MGRN1: variants seen among roughly 807,000 people sequenced by gnomAD.
MGRN1 encodes the protein mahogunin ring finger 1.
A neutral mutation model predicts 69.2 loss-of-function variants in MGRN1; 29 were observed. That is an observed-to-expected ratio of 0.42 (90% CI 0.31 to 0.57). The LOEUF (loss-of-function observed/expected upper bound fraction) is 0.57, where lower values mean the gene tolerates loss of function less well. Among genes scored for constraint, MGRN1 ranks in the 20% least tolerant of loss-of-function variants. The pLI is 0.15. For missense variants in MGRN1, 998 were observed against 796.2 expected, an observed-to-expected ratio of 1.25 and a Z score of -3.05; for synonymous variants, 470 against 344.2, an observed-to-expected ratio of 1.37 and a Z score of -4.04.
chr16:4,667,027 C>T (rs553721454), intron 7 of MGRN1, among the ~76,000 whole-genome samples: 2 of 152,328 alleles, frequency 1.3e-5, no homozygotes, highest in East Asian at 1.9e-4. Context: ...TGTGCACTGA[C>T]GTTCATCAGC....
chr16:4,647,125 C>T (rs1363644756), intron 1 of MGRN1, among the ~76,000 whole-genome samples: 1 of 152,234 alleles, frequency 6.6e-6, no homozygotes, highest in African/African-American at 2.4e-5. Context: ...CTGCTGTGGC[C>T]CTTGTCTGCC....
intron 4 of MGRN1, among the ~76,000 whole-genome samples, 188 bp downstream of exon 4, chr16:4,653,012 C>CT (rs199738623): frequency 0.021 from 3,191 of 152,344 alleles, 58 homozygotes; most frequent in South Asian, 0.041. Flanking sequence ...CGGGAACCAG[C>CT]TGGGGTCCTT....
chr16:4,625,499 A>G (rs992252503), intron 1 of MGRN1, among the ~76,000 whole-genome samples: 2 of 152,046 alleles, frequency 1.3e-5, no homozygotes, highest in Non-Finnish European at 2.9e-5. Context: ...GGTTTGGGCA[A>G]TTTCCCTCCC....
chr16:4,659,597 G>A (rs984953937), intron 5 of MGRN1, among the ~76,000 whole-genome samples: 4 of 152,266 alleles, frequency 2.6e-5, no homozygotes, highest in African/African-American at 9.6e-5. Context: ...CTTTGGTGAG[G>A]GTTTGCTGAG....
chr16:4,632,182 A>T (rs961552342), intron 1 of MGRN1, among the ~76,000 whole-genome samples: 42 of 89,306 alleles, frequency 4.7e-4, no homozygotes, highest in African/African-American at 2.0e-3. Context: ...ACGCCCAGCT[A>T]ATTTTTGTAT....
rs148036225 is a variant in MGRN1 at position 4,676,611 on chromosome 16, C to G, written c.956-852C>G. ...ATTGACACAGAGGAGGCCTGAGGCCCTGTCCCTGGGCTGACGGCAGATGCA... is the reference window on the plus strand; with the variant it reads ...ATTGACACAGAGGAGGCCTGAGGCCGTGTCCCTGGGCTGACGGCAGATGCA... On this transcript the variant is annotated intron_variant, in intron 10 of 16. Transcript: ENST00000262370. Among the ~76,000 whole-genome samples, 501 of 152,310 alleles carry G rather than the reference C, an allele frequency of 3.3e-3. 5 individuals are homozygous for G. Among genetic ancestry groups the G allele is most frequent in the African/African-American group, 0.011 (474 of 41,556 alleles).
At chr16:4,683,107 G>A (rs1241679103) in intron 14 of MGRN1, 117 bp from the exon 15 acceptor site, 2 of 1,514,040 alleles carry the variant, frequency 1.3e-6, no homozygotes, top group Admixed American at 1.8e-5. Context: ...TGTGGAGGCA[G>A]CACCCCCTGG....
intron 4 of MGRN1, among the ~76,000 whole-genome samples, chr16:4,655,108 C>T (rs1384754341): frequency 2.6e-5 from 4 of 152,138 alleles, no homozygotes; most frequent in East Asian, 1.9e-4. Context: ...TTGACACCCA[C>T]GGGGCCTGGT....
chr16:4,661,186 G>T (rs1012013800), intron 5 of MGRN1, among the ~76,000 whole-genome samples: 2 of 150,448 alleles, frequency 1.3e-5, no homozygotes, highest in South Asian at 4.2e-4. Context: ...TCTATGTTGC[G>T]TAGGCTGGTC....
intron 1 of MGRN1, among the ~76,000 whole-genome samples, chr16:4,643,576 G>A (rs1406369179): frequency 4.6e-5 from 7 of 151,464 alleles, no homozygotes; most frequent in Admixed American, 2.6e-4. Flanking sequence ...GTTTCACCGT[G>A]TTAGCCAGGA....
chr16:4,624,913 C>A lies in MGRN1; in HGVS notation c.-48C>A. 1 of 1,470,782 alleles carries A rather than the reference C, an allele frequency of 6.8e-7. No homozygotes were observed. Among genetic ancestry groups the A allele is most frequent in the South Asian group, 1.3e-5 (1 of 78,420 alleles). 91.1% of individuals were successfully genotyped at this position (1,470,782 alleles called of 1,614,324 possible). On this transcript the variant is annotated 5_prime_UTR_variant, in exon 1 of 17. Coordinates refer to ENST00000262370, the MANE Select transcript of MGRN1 (RefSeq NM_015246.4). The stretch of plus-strand genomic sequence containing the variant: ...CCGCGTGAGGACCCCGCCGCTGTCG[C>A]CGCTCCCGTTCCGGCCCTGGCCCCT...
At chr16:4,661,324 C>T (rs960339395) in intron 5 of MGRN1, among the ~76,000 whole-genome samples, 4 of 152,170 alleles carry the variant, frequency 2.6e-5, no homozygotes, top group African/African-American at 9.7e-5. Context: ...TTCACAAAGC[C>T]GTGGCCCAGG....
rs757822441 is a variant in MGRN1, at chr16:4,677,569, C to G, written c.1062C>G (p.His354Gln). Residue 354 changes from histidine (H) to glutamine (Q), a missense_variant, in exon 11 of 17, where the codon CAC becomes CAG. His to Gln is a conservative substitution (Grantham distance 24, BLOSUM62 0). Transcript: ENST00000262370. ...CCCAGAGCCTGGAGCATGATGAGCA[C>G]TCTGTAAGTGCCGCCTCCTGCCTGC... is the stretch of plus-strand genomic sequence containing the variant. Reference protein sequence around the residue: ...VLAQSLEHDEHSCPFKKSKPH... With the variant: ...VLAQSLEHDEQSCPFKKSKPH... 5 of 1,599,488 alleles carry G rather than the reference C, an allele frequency of 3.1e-6. No homozygotes were observed. Among genetic ancestry groups the G allele is most frequent in the African/African-American group, 2.7e-5 (2 of 74,872 alleles).
At chr16:4,662,854 C>T (rs2078713692) in intron 5 of MGRN1, among the ~76,000 whole-genome samples, 3 of 152,300 alleles carry the variant, frequency 2.0e-5, no homozygotes, top group Non-Finnish European at 1.5e-5. Flanking sequence ...TGGCTGCGGG[C>T]TCAGGGTTCC....
chr16:4,657,776 C>T (rs991179671), intron 5 of MGRN1, among the ~76,000 whole-genome samples: 34 of 117,996 alleles, frequency 2.9e-4, no homozygotes, highest in Non-Finnish European at 5.0e-4. Context: ...GAGACAGTCT[C>T]GCTCTGTCGC....
rs1221767180 is a variant in MGRN1, at chr16:4,689,292, G to A, written c.*384G>A. 5.3e-6 allele frequency: 1 copy of A among 190,038 alleles called. No homozygotes were observed. The highest frequency in any genetic ancestry group is 1.1e-5 in the Non-Finnish European group (1 of 93,256). 11.8% of individuals were successfully genotyped at this position (190,038 alleles called of 1,614,324 possible). A position where few individuals can be genotyped will look rare whatever the true frequency, so the allele number is the denominator to read the frequency against. On this transcript the variant is annotated 3_prime_UTR_variant, in exon 17 of 17. Coordinates refer to ENST00000262370, the MANE Select transcript of MGRN1 (RefSeq NM_015246.4). ...CTCAGGAGGCCTGCAGAAGAGAACT[G>A]ATTGGTGGTCGAAGCACCATCTTCA...
At chr16:4,679,943 G>T in intron 11 of MGRN1, 89 bp from the exon 12 acceptor site, 2 of 1,248,940 alleles carry the variant, frequency 1.6e-6, no homozygotes, top group Non-Finnish European at 2.3e-6. Flanking sequence ...CCACGGTGTG[G>T]CAAGAGGACA....
At chr16:4,680,122 G>GA (rs907178775) in intron 12 of MGRN1, 25 bp downstream of exon 12, 2 of 1,610,806 alleles carry the variant, frequency 1.2e-6, no homozygotes, top group Non-Finnish European at 1.7e-6. Flanking sequence ...CTCCGGCTAC[G>GA]TTTTTTTGCC....
At chr16:4,684,488 G>A (rs1302443300) in intron 16 of MGRN1, among the ~76,000 whole-genome samples, 2 of 152,226 alleles carry the variant, frequency 1.3e-5, no homozygotes, top group Non-Finnish European at 1.5e-5. Flanking sequence ...ACCCTGCCCC[G>A]GGCCTGACAG....
Sources: gnomAD v4.1 joint callset for allele counts (sites outside exome capture counted in the v4.1 genomes callset) on GRCh38, gnomAD v4.1.1 for gene constraint, MANE v1.5 for transcripts, NCBI Gene and HGNC (gene_info 2026-07-23, HGNC 2026-07-21) for gene names.